Variants in AGFG1 observed in about 807,000 individuals in gnomAD.
AGFG1 encodes the protein arf-GAP domain and FG repeat-containing protein 1.
Under a neutral mutation model 60.6 loss-of-function variants are expected in AGFG1, and 10 were observed. The observed-to-expected ratio is 0.16, with a 90% confidence interval of 0.10 to 0.28. AGFG1 has a LOEUF of 0.28. Ranked by LOEUF, AGFG1 falls within the 10% of genes least tolerant of loss-of-function variation. The pLI is 1.00. For missense variants in AGFG1, 537 were observed against 676.5 expected, an observed-to-expected ratio of 0.79 and a Z score of 2.29; for synonymous variants, 247 against 242.9, an observed-to-expected ratio of 1.02 and a Z score of -0.16.
At chr2:227,484,409 A>G (rs1690558347) in intron 1 of AGFG1, among the ~76,000 whole-genome samples, 1 of 151,182 alleles carries the variant, frequency 6.6e-6, no homozygotes, top group Non-Finnish European at 1.5e-5. Context: ...CTGCTCTCGA[A>G]CTCCTGATCA....
intron 2 of AGFG1, among the ~76,000 whole-genome samples, chr2:227,501,346 G>T (rs1297851655): frequency 6.6e-6 from 1 of 152,182 alleles, no homozygotes; most frequent in Non-Finnish European, 1.5e-5. Flanking sequence ...CTCCTAAAGT[G>T]TTGGGATTAT....
intron 2 of AGFG1, among the ~76,000 whole-genome samples, chr2:227,494,021 G>A (rs1249262116): frequency 1.3e-5 from 2 of 152,004 alleles, no homozygotes; most frequent in Non-Finnish European, 2.9e-5. Context: ...AGGTTGCTAG[G>A]AAATATACTA....
rs1288395338 is a variant in AGFG1 at position 227,556,996 on chromosome 2, A to G, written c.*2501A>G. 6.6e-6 allele frequency: 1 copy of G among 152,184 alleles called. No individual in the cohort carries two copies. The highest frequency in any genetic ancestry group is 6.5e-5 in the Admixed American group (1 of 15,280). 9.4% of individuals were successfully genotyped at this position (152,184 alleles called of 1,614,324 possible). ...GTTTTTCTCATGATATTCACTGTTT[A>G]TTATTAAAGAAAATCAGCTTTCGTT... On this transcript the variant is annotated 3_prime_UTR_variant, in exon 13 of 13. Transcript: ENST00000310078.
intron 2 of AGFG1, among the ~76,000 whole-genome samples, chr2:227,519,051 G>T (rs1384694865): frequency 6.6e-6 from 1 of 152,148 alleles, no homozygotes; most frequent in East Asian, 1.9e-4. Flanking sequence ...CTGCACTCCT[G>T]TAGTCCCAGC....
intron 10 of AGFG1, among the ~76,000 whole-genome samples, chr2:227,547,795 G>C (rs1692697070): frequency 6.6e-6 from 1 of 152,124 alleles, no homozygotes; most frequent in African/African-American, 2.4e-5. Context: ...TCCTCAAAAT[G>C]GTCATCATGG....
chr2:227,512,200 T>C (rs1691515196), intron 2 of AGFG1, among the ~76,000 whole-genome samples: 1 of 152,214 alleles, frequency 6.6e-6, no homozygotes, highest in Admixed American at 6.5e-5. Context: ...GTGCCTATTT[T>C]TAGTTACTCA....
chr2:227,542,299 G>A (rs769814989), intron 10 of AGFG1, among the ~76,000 whole-genome samples: 95 of 152,216 alleles, frequency 6.2e-4, no homozygotes, highest in Non-Finnish European at 1.0e-3. Flanking sequence ...CTGTGGGTTC[G>A]TCATAAATAG....
chr2:227,485,461 C>T (rs1690606583), intron 1 of AGFG1, among the ~76,000 whole-genome samples: 1 of 150,672 alleles, frequency 6.6e-6, no homozygotes, highest in Non-Finnish European at 1.5e-5. Flanking sequence ...GCCAGGAACT[C>T]CTGACCTCAG....
At chr2:227,500,416 G>C (rs1691118940) in intron 2 of AGFG1, among the ~76,000 whole-genome samples, 1 of 152,128 alleles carries the variant, frequency 6.6e-6, no homozygotes, top group Admixed American at 6.5e-5. Context: ...TGGCAGGTGA[G>C]CAGTGGTTCA....
intron 2 of AGFG1, among the ~76,000 whole-genome samples, chr2:227,519,088 T>C (rs368332665): frequency 6.6e-6 from 1 of 152,192 alleles, no homozygotes; most frequent in African/African-American, 2.4e-5. Context: ...AGTGGGAGGA[T>C]GGCTTGAGCC....
intron 10 of AGFG1, 99 bp from the exon 11 acceptor site, chr2:227,551,860 T>A (rs1692831565): frequency 2.1e-6 from 3 of 1,418,604 alleles, no homozygotes; most frequent in Admixed American, 4.0e-5. Flanking sequence ...TACATCTTAG[T>A]ATTTTTCAAG....
chr2:227,493,028 C>T (rs1690864652), intron 2 of AGFG1, among the ~76,000 whole-genome samples: 1 of 151,916 alleles, frequency 6.6e-6, no homozygotes, highest in Non-Finnish European at 1.5e-5. Flanking sequence ...AAAAATATGA[C>T]AGTAGGTAAA....
At chr2:227,552,804 C>T (rs1184813108) in intron 11 of AGFG1, among the ~76,000 whole-genome samples, 2 of 150,862 alleles carry the variant, frequency 1.3e-5, no homozygotes, top group East Asian at 3.9e-4. Flanking sequence ...GAGTTCAGGA[C>T]CAGCCTGACC....
At chr2:227,539,028 A>G (rs1313126027) in intron 10 of AGFG1, among the ~76,000 whole-genome samples, 1 of 152,236 alleles carries the variant, frequency 6.6e-6, no homozygotes, top group Admixed American at 6.5e-5. Context: ...CATTAACTGC[A>G]TATGTTTCTA....
At chr2:227,475,629 A>T (rs954696540) in intron 1 of AGFG1, among the ~76,000 whole-genome samples, 9 of 152,214 alleles carry the variant, frequency 5.9e-5, no homozygotes, top group Admixed American at 2.0e-4. Flanking sequence ...TGAATTTTGA[A>T]GTCAGATTTT....
At chr2:227,536,770 C>T (rs778766695) in intron 9 of AGFG1, 66 bp downstream of exon 9, 9 of 1,577,070 alleles carry the variant, frequency 5.7e-6, no homozygotes, top group Non-Finnish European at 7.8e-6. Flanking sequence ...GTAGCATTTT[C>T]TTAGGAGTCA....
At chr2:227,473,350 G>T (rs1690176569) in intron 1 of AGFG1, among the ~76,000 whole-genome samples, 1 of 152,092 alleles carries the variant, frequency 6.6e-6, no homozygotes, top group Non-Finnish European at 1.5e-5. Flanking sequence ...AAGTTTTAAT[G>T]GCAATAAGGT....
intron 1 of AGFG1, among the ~76,000 whole-genome samples, chr2:227,476,436 C>T (rs1467956589): frequency 4.6e-5 from 7 of 152,014 alleles, no homozygotes; most frequent in African/African-American, 1.7e-4. Flanking sequence ...AAAAGATTGT[C>T]CTAGCCTTAA....
intron 1 of AGFG1, among the ~76,000 whole-genome samples, chr2:227,491,341 A>G (rs977265131): frequency 7.9e-5 from 12 of 152,132 alleles, no homozygotes; most frequent in African/African-American, 2.9e-4. Flanking sequence ...TTTATTGTTA[A>G]GTCTATTATT....
Sources: gnomAD v4.1 joint callset for allele counts (sites outside exome capture counted in the v4.1 genomes callset) on GRCh38, gnomAD v4.1.1 for gene constraint, MANE v1.5 for transcripts, NCBI Gene and HGNC (gene_info 2026-07-23, HGNC 2026-07-21) for gene names.